The following RAC1 variants were observed in gnomAD, a reference collection of about 807,000 sequenced individuals.
RAC1 encodes Rac family small GTPase 1.
RAC1 carries 2 observed loss-of-function variants against 25.2 expected under a neutral mutation model. The observed-to-expected ratio is 0.08, with a 90% confidence interval of 0.03 to 0.25. The LOEUF is 0.25. Ranked by LOEUF, RAC1 falls within the 10% of genes least tolerant of loss-of-function variation. The probability of loss-of-function intolerance (pLI) is 1.00; values close to 1 mark genes in which losing one functional copy is unlikely to be tolerated. For synonymous variants in RAC1, 88 were observed against 94.0 expected (o/e 0.94, Z 0.37); for missense variants, 50 against 235.7 (o/e 0.21, Z 5.16).
rs543976520 is a variant in RAC1, at chr7:6,398,584, G to T, written c.226-1542G>T. ...AGGGTTAAGACAAAATTCTAATAAA[G>T]AATCGATAAGAGGTTATATTGATTT... On this transcript the variant is annotated intron_variant, in intron 3 of 5. Coordinates refer to ENST00000348035, the MANE Select transcript of RAC1 (RefSeq NM_006908.5). 230 of 1,257,024 alleles carry T rather than the reference G, an allele frequency of 1.8e-4. No individual in the cohort carries two copies. In the African/African-American group the frequency reaches 2.9e-3, roughly 16 times the overall value. The allele number at this position is 1,257,024 out of a possible 1,614,324, so 77.9% of individuals were successfully genotyped here.
intron 5 of RAC1, 139 bp downstream of exon 5, chr7:6,402,166 C>G: frequency 1.4e-6 from 2 of 1,450,920 alleles, no homozygotes; most frequent in East Asian, 4.6e-5. Flanking sequence ...TGGCAAGGCC[C>G]TGTGGGTCTT....
At chr7:6,395,310 A>G (rs887709925) in intron 3 of RAC1, among the ~76,000 whole-genome samples, 1 of 151,988 alleles carries the variant, frequency 6.6e-6, no homozygotes, top group Non-Finnish European at 1.5e-5. Context: ...CTGTGATGGT[A>G]GATAAAAAGA....
At chr7:6,402,132 C>A in intron 5 of RAC1, 105 bp downstream of exon 5, 1 of 1,448,864 alleles carries the variant, frequency 6.9e-7, no homozygotes, top group South Asian at 1.3e-5. Context: ...CACTCAGGGC[C>A]TGGTGTACTC....
intron 2 of RAC1, among the ~76,000 whole-genome samples, chr7:6,390,779 G>A (rs1255067390): frequency 6.6e-6 from 1 of 151,866 alleles, no homozygotes; most frequent in African/African-American, 2.4e-5. Flanking sequence ...ATAGAATGAG[G>A]CAAGGACCTG....
At chr7:6,395,927 C>T (rs116700661) in intron 3 of RAC1, among the ~76,000 whole-genome samples, 3 of 152,286 alleles carry the variant, frequency 2.0e-5, no homozygotes, top group African/African-American at 4.8e-5. Flanking sequence ...TCCAGATGCC[C>T]GCCCTGTCTT....
chr7:6,402,095 G>T, intron 5 of RAC1, 68 bp downstream of exon 5: 1 of 1,545,080 alleles, frequency 6.5e-7, no homozygotes, highest in Non-Finnish European at 8.8e-7. Context: ...CTGGAGTCCA[G>T]TCTGGGAAAG....
chr7:6,383,662 A>G (rs1782834881), intron 1 of RAC1, among the ~76,000 whole-genome samples: 1 of 152,066 alleles, frequency 6.6e-6, no homozygotes, highest in Non-Finnish European at 1.5e-5. Flanking sequence ...ATACATAGAG[A>G]CTTAGGACAG....
chr7:6,399,058 G>A (rs892612708), intron 3 of RAC1, among the ~76,000 whole-genome samples: 1 of 152,130 alleles, frequency 6.6e-6, no homozygotes, highest in Non-Finnish European at 1.5e-5. Flanking sequence ...GACTAACCTT[G>A]TTGCCGGGGC....
Position 6,396,804 on chromosome 7 carries a change from G to A in RAC1, c.226-3322G>A, listed in dbSNP as rs555080740. ...CCAGCACTTTGGGAGGCCGAGGTGGGCGGATCACGAGGTCAGGAGATCGAG... is the reference window on the plus strand; with the variant it reads ...CCAGCACTTTGGGAGGCCGAGGTGGACGGATCACGAGGTCAGGAGATCGAG... On this transcript the variant is annotated intron_variant, in intron 3 of 5. Transcript: ENST00000348035. Among the ~76,000 whole-genome samples, 37 of 152,280 alleles carry A rather than the reference G, an allele frequency of 2.4e-4. No individual in the cohort carries two copies. The Middle Eastern group carries it at 0.01, about 42-fold the overall frequency.
intron 1 of RAC1, among the ~76,000 whole-genome samples, chr7:6,376,124 C>G (rs1329914570): frequency 7.2e-6 from 1 of 139,612 alleles, no homozygotes. Context: ...GCCCATCTGT[C>G]GGATTTGTCT....
rs1026215915 is a variant in RAC1 at position 6,374,867 on chromosome 7, G to C, written c.35+97G>C. ...GCCCAGGCAGGCCGGCGTCCGCCGC[G>C]GTCTCGCGTAGGCGGTGGGCCTGGG... On this transcript the variant is annotated intron_variant, in intron 1 of 5. Coordinates refer to ENST00000348035, the MANE Select transcript of RAC1 (RefSeq NM_006908.5). 1.0e-5 allele frequency: 10 copies of C among 985,354 alleles called. No homozygotes were observed. The African/African-American group carries it at 1.8e-4, about 17-fold the overall frequency. The allele number at this position is 985,354 out of a possible 1,614,324, so 61.0% of individuals were successfully genotyped here.
At chr7:6,385,424 A>G (rs1057359934) in intron 1 of RAC1, among the ~76,000 whole-genome samples, 3 of 152,204 alleles carry the variant, frequency 2.0e-5, no homozygotes, top group Admixed American at 1.3e-4. Context: ...AACTTGCCAA[A>G]AAATACAGCC....
chr7:6,376,349 A>ATTTTTGTATT (rs1459410812), intron 1 of RAC1, among the ~76,000 whole-genome samples: 2 of 151,090 alleles, frequency 1.3e-5, no homozygotes, highest in African/African-American at 4.9e-5. Context: ...TGTCCGGCTA[A>ATTTTTGTATT]TTTTTGTATT....
chr7:6,389,988 TCCTC>T (rs1783041862), intron 2 of RAC1, among the ~76,000 whole-genome samples: 1 of 105,742 alleles, frequency 9.5e-6, no homozygotes, highest in African/African-American at 3.6e-5. Context: ...CCCTCCCTCC[TCCTC>T]TCCCTCCCTC....
intron 3 of RAC1, among the ~76,000 whole-genome samples, chr7:6,396,915 A>G (rs956162092): frequency 4.7e-4 from 71 of 152,088 alleles, no homozygotes; most frequent in African/African-American, 1.7e-3. Flanking sequence ...CTGTGGTCCC[A>G]GCTACTCGGG....
intron 3 of RAC1, among the ~76,000 whole-genome samples, chr7:6,392,291 G>C (rs975572987): frequency 6.6e-6 from 1 of 152,124 alleles, no homozygotes; most frequent in Non-Finnish European, 1.5e-5. Flanking sequence ...TAGAATAACC[G>C]TATGAAAGAG....
At chr7:6,393,450 T>A (rs1385265636) in intron 3 of RAC1, among the ~76,000 whole-genome samples, 5 of 152,050 alleles carry the variant, frequency 3.3e-5, no homozygotes, top group Admixed American at 3.3e-4. Flanking sequence ...ACTCAGGGGG[T>A]ACCGGGCAGG....
chr7:6,383,116 T>C (rs958846343), intron 1 of RAC1, among the ~76,000 whole-genome samples: 11 of 152,152 alleles, frequency 7.2e-5, no homozygotes, highest in Admixed American at 2.0e-4. Flanking sequence ...GAGCAGTTAA[T>C]TATATAAAGT....
At chr7:6,393,801 A>C (rs1325530059) in intron 3 of RAC1, among the ~76,000 whole-genome samples, 1 of 152,194 alleles carries the variant, frequency 6.6e-6, no homozygotes, top group African/African-American at 2.4e-5. Flanking sequence ...CGGGCGCTTA[A>C]GGAGCAAGAG....
Sources: gnomAD v4.1 joint callset for allele counts (sites outside exome capture counted in the v4.1 genomes callset) on GRCh38, gnomAD v4.1.1 for gene constraint, MANE v1.5 for transcripts, NCBI Gene and HGNC (gene_info 2026-07-23, HGNC 2026-07-21) for gene names.